NTM: variants seen among roughly 807,000 people sequenced by gnomAD.
The protein encoded by NTM is IgLON family member 2.
NTM carries 13 observed loss-of-function variants against 42.1 expected under a neutral mutation model. That is an observed-to-expected ratio of 0.31 (90% CI 0.20 to 0.49). NTM has a LOEUF of 0.49. Among genes scored for constraint, NTM ranks in the 20% least tolerant of loss-of-function variants. NTM has a pLI of 0.99. For synonymous variants in NTM, 187 were observed against 179.2 expected (o/e 1.04, Z -0.35); for missense variants, 373 against 452.8 (o/e 0.82, Z 1.60).
intron 2 of NTM, among the ~76,000 whole-genome samples, chr11:132,034,645 G>C (rs2076299157): frequency 6.6e-6 from 1 of 152,226 alleles, no homozygotes; most frequent in Non-Finnish European, 1.5e-5. Context: ...GCCATCAGAT[G>C]GTTGTGAGTT....
At chr11:132,151,836 CAG>C (rs1238608921) in intron 3 of NTM, among the ~76,000 whole-genome samples, 1 of 152,120 alleles carries the variant, frequency 6.6e-6, no homozygotes, top group South Asian at 2.1e-4. Flanking sequence ...AAAGTAATTC[CAG>C]AGAGAAAGGG....
chr11:132,328,092 G>A (rs920620985), intron 7 of NTM, among the ~76,000 whole-genome samples: 6 of 144,064 alleles, frequency 4.2e-5, no homozygotes, highest in Admixed American at 4.0e-4. Context: ...CTGGAAGCAG[G>A]ACACAACACA....
chr11:132,320,041 C>T (rs957695673), intron 7 of NTM, among the ~76,000 whole-genome samples: 2 of 152,240 alleles, frequency 1.3e-5, no homozygotes, highest in African/African-American at 4.8e-5. Context: ...TCCAACAGAC[C>T]TGCAGATGAG....
intron 1 of NTM, among the ~76,000 whole-genome samples, chr11:131,475,690 C>T (rs1436147188): frequency 1.3e-5 from 2 of 152,132 alleles, no homozygotes; most frequent in Non-Finnish European, 2.9e-5. Context: ...CGAAGCCCTA[C>T]ATTCATTTTC....
chr11:131,688,226 T>A (rs576698841), intron 1 of NTM, among the ~76,000 whole-genome samples: 169 of 152,144 alleles, frequency 1.1e-3, no homozygotes, highest in African/African-American at 4.0e-3. Flanking sequence ...GAGAACAGGC[T>A]CCCGGGGCGG....
intron 2 of NTM, among the ~76,000 whole-genome samples, chr11:132,012,776 T>G (rs1477220639): frequency 6.6e-6 from 1 of 152,130 alleles, no homozygotes; most frequent in African/African-American, 2.4e-5. Context: ...CTGTAGCCCA[T>G]CACAGAGTGG....
intron 2 of NTM, among the ~76,000 whole-genome samples, chr11:132,100,314 G>A (rs1012336164): frequency 3.9e-5 from 6 of 152,180 alleles, no homozygotes; most frequent in African/African-American, 1.4e-4. Context: ...AGTATGCACT[G>A]GATGTTGTTT....
At chr11:132,098,477 A>G (rs989212639) in intron 2 of NTM, among the ~76,000 whole-genome samples, 1 of 152,206 alleles carries the variant, frequency 6.6e-6, no homozygotes, top group African/African-American at 2.4e-5. Flanking sequence ...TGCATGCTTC[A>G]TGGGTGGCAG....
chr11:131,455,185 A>G (rs770323038), intron 1 of NTM, among the ~76,000 whole-genome samples: 9 of 152,210 alleles, frequency 5.9e-5, no homozygotes, highest in Non-Finnish European at 1.2e-4. Flanking sequence ...TGACTCAGTA[A>G]TCGACCTGAA....
intron 1 of NTM, among the ~76,000 whole-genome samples, chr11:131,379,976 G>T (rs868671261): frequency 8.5e-5 from 13 of 152,232 alleles, no homozygotes; most frequent in Middle Eastern, 6.8e-3. Context: ...TGAAGTCTCA[G>T]CTCTCTGCCA....
intron 1 of NTM, among the ~76,000 whole-genome samples, chr11:131,694,868 G>T (rs7124750): frequency 0.023 from 3,488 of 152,306 alleles, 129 homozygotes; most frequent in African/African-American, 0.079. Flanking sequence ...GACAATGTAG[G>T]AATCTGGAAC....
At chr11:131,929,004 C>T (rs1055152292) in intron 2 of NTM, among the ~76,000 whole-genome samples, 5 of 152,242 alleles carry the variant, frequency 3.3e-5, no homozygotes, top group African/African-American at 1.2e-4. Flanking sequence ...TCAATTATTT[C>T]TTCAGGAAAG....
intron 1 of NTM, among the ~76,000 whole-genome samples, chr11:131,872,989 C>A (rs1268822554): frequency 6.6e-6 from 1 of 152,152 alleles, no homozygotes; most frequent in Non-Finnish European, 1.5e-5. Flanking sequence ...TATTTCTCCA[C>A]ATCCTCTCCA....
chr11:131,985,337 A>C (rs1338671157), intron 2 of NTM, among the ~76,000 whole-genome samples: 2 of 152,342 alleles, frequency 1.3e-5, no homozygotes, highest in South Asian at 2.1e-4. Context: ...GCCCAAGTGC[A>C]ATCTGTGAAC....
At chr11:131,881,509 C>CACACACACA (rs372489485) in intron 1 of NTM, among the ~76,000 whole-genome samples, 14 of 145,684 alleles carry the variant, frequency 9.6e-5, no homozygotes, top group South Asian at 2.2e-4. Context: ...CACACACACA[C>CACACACACA]CCCCCAAAGC....
intron 1 of NTM, among the ~76,000 whole-genome samples, chr11:131,541,077 A>G (rs2053169209): frequency 6.6e-6 from 1 of 152,196 alleles, no homozygotes; most frequent in Non-Finnish European, 1.5e-5. Flanking sequence ...TTAGGCATCA[A>G]ATCAATCCCC....
intron 4 of NTM, among the ~76,000 whole-genome samples, chr11:132,293,433 G>T (rs1157843425): frequency 1.3e-5 from 2 of 152,306 alleles, no homozygotes; most frequent in Non-Finnish European, 2.9e-5. Flanking sequence ...TCCAAGAATT[G>T]GATGCTGTCA....
intron 1 of NTM, among the ~76,000 whole-genome samples, chr11:131,755,685 T>G (rs149116859): frequency 6.6e-6 from 1 of 152,326 alleles, no homozygotes; most frequent in East Asian, 1.9e-4. Context: ...GTGGAAGGAT[T>G]TTCTTTTGAA....
At chr11:132,292,033 A>T (rs2094464343) in intron 4 of NTM, among the ~76,000 whole-genome samples, 1 of 152,204 alleles carries the variant, frequency 6.6e-6, no homozygotes, top group Non-Finnish European at 1.5e-5. Context: ...GTTAAGGCAG[A>T]CATTAGAAGG....
Sources: gnomAD v4.1 joint callset for allele counts (sites outside exome capture counted in the v4.1 genomes callset) on GRCh38, gnomAD v4.1.1 for gene constraint, MANE v1.5 for transcripts, NCBI Gene and HGNC (gene_info 2026-07-23, HGNC 2026-07-21) for gene names.